Variants in MSMO1 observed in about 807,000 individuals in gnomAD.
The protein encoded by MSMO1 is C-4 methylsterol oxidase.
Under a neutral mutation model 30.4 loss-of-function variants are expected in MSMO1, and 18 were observed. The ratio of observed to expected loss-of-function variants is 0.59; its 90% CI spans 0.41 to 0.88. MSMO1 has a LOEUF of 0.88. Among genes scored for constraint, MSMO1 ranks in the 40% least tolerant of loss-of-function variants. The probability of loss-of-function intolerance (pLI) is 0.00; values close to 1 mark genes in which losing one functional copy is unlikely to be tolerated. For synonymous variants in MSMO1, 84 were observed against 107.9 expected, an observed-to-expected ratio of 0.78 and a Z score of 1.37; for missense variants, 284 against 340.5, an observed-to-expected ratio of 0.83 and a Z score of 1.31.
At chr4:165,340,983 TC>T (rs1421264842) in intron 5 of MSMO1, among the ~76,000 whole-genome samples, 1 of 152,166 alleles carries the variant, frequency 6.6e-6, no homozygotes, top group Admixed American at 6.5e-5. Context: ...AATTAATGCT[TC>T]TAGTCCTAGG....
chr4:165,341,367 A>G (rs1288948875), intron 5 of MSMO1, among the ~76,000 whole-genome samples: 1 of 152,172 alleles, frequency 6.6e-6, no homozygotes, highest in Non-Finnish European at 1.5e-5. Context: ...ACTTTTCCTA[A>G]AAAACATATT....
chr4:165,339,261 C>G (rs568325761), intron 4 of MSMO1, among the ~76,000 whole-genome samples: 1 of 151,910 alleles, frequency 6.6e-6, no homozygotes, highest in Non-Finnish European at 1.5e-5. Flanking sequence ...TGCGTCACCA[C>G]GCGTGGCTAA....
At chr4:165,331,844 C>T (rs933762576) in intron 1 of MSMO1, among the ~76,000 whole-genome samples, 2 of 152,168 alleles carry the variant, frequency 1.3e-5, no homozygotes, top group Non-Finnish European at 2.9e-5. Context: ...GTAAGTAGAA[C>T]ATGCTCATTT....
rs765046717 is a variant in MSMO1, at chr4:165,338,750, A to G, written c.503A>G (p.Tyr168Cys). ...TTACACCACAAAAGAATATACAAGTATATTCATAAAGTTCATCATGAGTTT... is the reference window on the plus strand; with the variant it reads ...TTACACCACAAAAGAATATACAAGTGTATTCATAAAGTTCATCATGAGTTT... ...RLLHHKRIYK[Y>C]IHKVHHEFQA... Residue 168 changes from tyrosine (Y) to cysteine (C), a missense_variant, in exon 4 of 6, where the codon TAT becomes TGT. Tyr to Cys is a radical substitution (Grantham distance 194, BLOSUM62 -2). Coordinates refer to ENST00000261507, the MANE Select transcript of MSMO1 (RefSeq NM_006745.5). The G allele has an allele frequency of 5.0e-6, 8 of 1,593,480 alleles. No homozygotes were observed. The highest frequency in any genetic ancestry group is 3.3e-4 in the Middle Eastern group (2 of 6,002).
Position 165,342,829 on chromosome 4 carries a change from A to G in MSMO1, c.*883A>G, listed in dbSNP as rs1437615008. On this transcript the variant is annotated 3_prime_UTR_variant, in exon 6 of 6. Coordinates refer to ENST00000261507, the MANE Select transcript of MSMO1 (RefSeq NM_006745.5). ...GTTTGAGCTGATTCTCTCTTTGAAG[A>G]GTCCTTCTTGATTGCAGTGCAGTAC... 1 of 152,208 alleles carries G rather than the reference A, an allele frequency of 6.6e-6. No homozygotes were observed. Among genetic ancestry groups the G allele is most frequent in the African/African-American group, 2.4e-5 (1 of 41,414 alleles). The allele number at this position is 152,208 out of a possible 1,614,324, so 9.4% of individuals were successfully genotyped here.
intron 5 of MSMO1, 72 bp from the exon 6 acceptor site, chr4:165,341,677 CAT>C: frequency 7.3e-7 from 1 of 1,366,376 alleles, no homozygotes. Context: ...AATGTGAACA[CAT>C]GATTATTAAT....
rs1304406584 is a variant in MSMO1 at position 165,337,848 on chromosome 4, C to A, written c.315C>A (p.His105Gln). The A allele has an allele frequency of 6.2e-6, 10 of 1,613,230 alleles. No homozygotes were observed. Among genetic ancestry groups the A allele is most frequent in the Admixed American group, 5.0e-5 (3 of 59,988 alleles). ...GTTTCAAAGTTCTTCTCTTTAATCACTTCTGTATCCAGCTGCCTTTGATTT... is the reference window on the plus strand; with the variant it reads ...GTTTCAAAGTTCTTCTCTTTAATCAATTCTGTATCCAGCTGCCTTTGATTT... ...WKCFKVLLFN[H>Q]FCIQLPLICG... is the part of the protein sequence containing the mutation. The change falls in exon 3 of 6, where the codon CAC becomes CAA. Residue 105 changes from histidine to glutamine, a missense_variant. By Grantham distance (24) the His-to-Gln change is conservative. Transcript: ENST00000261507.
At chr4:165,331,239 G>A (rs895597078) in intron 1 of MSMO1, among the ~76,000 whole-genome samples, 1 of 152,128 alleles carries the variant, frequency 6.6e-6, no homozygotes, top group African/African-American at 2.4e-5. Context: ...GGGAGGTCGA[G>A]GCTGCAATGA....
At chr4:165,337,301 CAG>C (rs1373108433) in intron 2 of MSMO1, among the ~76,000 whole-genome samples, 2 of 152,132 alleles carry the variant, frequency 1.3e-5, no homozygotes, top group Admixed American at 6.5e-5. Flanking sequence ...CTTCTCAACT[CAG>C]AGAGTTTATA....
At chr4:165,332,543 T>C (rs992423366) in intron 1 of MSMO1, among the ~76,000 whole-genome samples, 3 of 152,146 alleles carry the variant, frequency 2.0e-5, no homozygotes, top group African/African-American at 7.2e-5. Flanking sequence ...TTGAATTAGG[T>C]GTTGCTAATT....
chr4:165,341,677 C>A, intron 5 of MSMO1, 74 bp from the exon 6 acceptor site: 1 of 1,366,372 alleles, frequency 7.3e-7, no homozygotes. Flanking sequence ...AATGTGAACA[C>A]ATGATTATTA....
At chr4:165,334,356 A>G (rs775722973) in intron 2 of MSMO1, among the ~76,000 whole-genome samples, 4 of 152,208 alleles carry the variant, frequency 2.6e-5, no homozygotes, top group Non-Finnish European at 5.9e-5. Flanking sequence ...ATGGTTATCT[A>G]ACTTAAGTTT....
At chr4:165,338,304 GTGTATATA>G (rs138615662) in intron 3 of MSMO1, among the ~76,000 whole-genome samples, 9,870 of 101,724 alleles carry the variant, frequency 0.097, 991 homozygotes, top group African/African-American at 0.24. Flanking sequence ...AAATATGTAT[GTGTATATA>G]TATATATATA....
intron 1 of MSMO1, among the ~76,000 whole-genome samples, chr4:165,331,790 G>T (rs1412378338): frequency 2.0e-5 from 3 of 152,172 alleles, no homozygotes; most frequent in Non-Finnish European, 4.4e-5. Context: ...TGACCCTTGA[G>T]AAGTTTATTT....
At chr4:165,334,552 T>A (rs17046216) in intron 2 of MSMO1, among the ~76,000 whole-genome samples, 52,079 of 152,010 alleles carry the variant, frequency 0.34, 9,830 homozygotes, top group African/African-American at 0.47. Flanking sequence ...ATTCGTATCA[T>A]CCCAAATAAG....
In MSMO1 at chr4:165,328,276, T is replaced by C. The variant is rs190446807; in HGVS notation, c.-32+512T>C. On this transcript the variant is annotated intron_variant, in intron 1 of 5. Transcript: ENST00000261507. ...GGAATGAAGCAGTAGCAACCATGAG[T>C]GATCAGATACTGCAAAAATGTGAAG... Among the ~76,000 whole-genome samples the C allele has an allele frequency of 4.4e-4, 67 of 152,046 alleles. 1 individual carries two copies. In the East Asian group the frequency reaches 6.2e-3, roughly 14 times the overall value.
At chr4:165,332,951 C>T (rs1163298683) in intron 1 of MSMO1, among the ~76,000 whole-genome samples, 1 of 152,082 alleles carries the variant, frequency 6.6e-6, no homozygotes, top group Non-Finnish European at 1.5e-5. Context: ...ATTTGGCAGG[C>T]TTTTTCTTTA....
intron 1 of MSMO1, among the ~76,000 whole-genome samples, chr4:165,329,913 C>A (rs150224395): frequency 6.6e-6 from 1 of 152,042 alleles, no homozygotes; most frequent in Non-Finnish European, 1.5e-5. Context: ...GGATTACCAG[C>A]GTAAGCCACC....
chr4:165,338,312 A>G (rs909221765), intron 3 of MSMO1, among the ~76,000 whole-genome samples: 86 of 111,172 alleles, frequency 7.7e-4, no homozygotes, highest in Non-Finnish European at 1.3e-3. Flanking sequence ...ATGTGTATAT[A>G]TATATATATA....
Sources: allele counts gnomAD v4.1 joint callset (sites outside exome capture counted in the v4.1 genomes callset), GRCh38; gene constraint gnomAD v4.1.1; transcripts MANE v1.5; gene names NCBI Gene and HGNC (gene_info 2026-07-23, HGNC 2026-07-21).